The following TULP4 variants were observed in gnomAD, a reference collection of about 807,000 sequenced individuals.
The protein encoded by TULP4 is tubby-related protein 4.
A neutral mutation model predicts 129.0 loss-of-function variants in TULP4; 16 were observed. That is an observed-to-expected ratio of 0.12 (90% CI 0.08 to 0.19). The LOEUF (loss-of-function observed/expected upper bound fraction) is 0.19. Among genes scored for constraint, TULP4 ranks in the 10% least tolerant of loss-of-function variants. The pLI, the probability that TULP4 is intolerant of heterozygous loss-of-function variation, is 1.00. For missense variants in TULP4, 1,842 were observed against 2,059.1 expected (o/e 0.89, Z 2.04); for synonymous variants, 998 against 854.0 (o/e 1.17, Z -2.94).
chr6:158,366,288 T>A (rs1012390028), intron 1 of TULP4, among the ~76,000 whole-genome samples: 1 of 152,194 alleles, frequency 6.6e-6, no homozygotes, highest in African/African-American at 2.4e-5. Flanking sequence ...TTTGTCCCCC[T>A]CTGTGCCCTC....
chr6:158,258,804 T>C (rs1475339568), intron 1 of TULP4, among the ~76,000 whole-genome samples: 4 of 152,274 alleles, frequency 2.6e-5, no homozygotes, highest in Non-Finnish European at 5.9e-5. Flanking sequence ...CAAATTTCTT[T>C]TTTAGTAAAA....
At position 158,501,909 on chromosome 6, in the gene TULP4, G is replaced by A. The variant is rs775316063; in HGVS notation, c.2246G>A (p.Arg749Gln). Residue 749 changes from arginine to glutamine, a missense_variant, in exon 13 of 14, where the codon CGG (arginine) becomes CAG (glutamine). Physicochemically the swap from Arg to Gln is conservative, Grantham distance 43. Transcript: ENST00000367097. ...GCCACCCAGTACCCAGTCTCCAACC[G>A]GTACTCCAATCCTGGACAGGTGATT... ...DSATQYPVSN[R>Q]YSNPGQVIFG... The A allele has an allele frequency of 1.7e-5, 27 of 1,613,928 alleles. No homozygotes were observed. The highest frequency in any genetic ancestry group is 3.3e-5 in the Admixed American group (2 of 59,996).
chr6:158,425,892 C>T lies in TULP4; in HGVS notation c.382-3844C>T, dbSNP rs371759503. Among the ~76,000 whole-genome samples the T allele has an allele frequency of 7.9e-5, 12 of 152,236 alleles. No individual in the cohort carries two copies. In the East Asian group the frequency reaches 2.1e-3, roughly 27 times the overall value. On this transcript the variant is annotated intron_variant, in intron 2 of 13. Coordinates refer to ENST00000367097, the MANE Select transcript of TULP4 (RefSeq NM_020245.5). ...TATAGGCGTGAGCCACCTCGCCCTG[C>T]CCTGTTTTTTGACTTTTTAATCGTA... is the stretch of plus-strand genomic sequence containing the variant.
At chr6:158,373,028 A>G (rs111320822) in intron 1 of TULP4, among the ~76,000 whole-genome samples, 16 of 152,230 alleles carry the variant, frequency 1.1e-4, no homozygotes, top group African/African-American at 2.9e-4. Context: ...CCAACTTAAC[A>G]CTGCTCAGAC....
At chr6:158,241,774 T>C (rs1777920947) in intron 1 of TULP4, 1 of 453,012 alleles carries the variant, frequency 2.2e-6, no homozygotes, top group South Asian at 2.0e-5. Flanking sequence ...TTTGTATTTT[T>C]AGTAGAGACG....
At chr6:158,385,489 G>A (rs150147344) in intron 1 of TULP4, among the ~76,000 whole-genome samples, 352 of 152,184 alleles carry the variant, frequency 2.3e-3, no homozygotes, top group Admixed American at 3.9e-3. Flanking sequence ...GAATAAATGC[G>A]TCACCTTTGT....
At chr6:158,292,647 C>T (rs1429754179) in intron 1 of TULP4, among the ~76,000 whole-genome samples, 1 of 152,042 alleles carries the variant, frequency 6.6e-6, no homozygotes, top group Admixed American at 6.6e-5. Context: ...TTATAGTATT[C>T]TGTTTTATGT....
intron 1 of TULP4, among the ~76,000 whole-genome samples, chr6:158,287,721 G>T (rs1328758531): frequency 6.6e-6 from 1 of 152,218 alleles, no homozygotes; most frequent in Non-Finnish European, 1.5e-5. Context: ...TTTGGGATGA[G>T]CATTGTACTT....
At chr6:158,353,523 T>C (rs1444743173) in intron 1 of TULP4, among the ~76,000 whole-genome samples, 1 of 152,214 alleles carries the variant, frequency 6.6e-6, no homozygotes, top group African/African-American at 2.4e-5. Context: ...TACGGTACTC[T>C]TTGTAAATTG....
intron 5 of TULP4, among the ~76,000 whole-genome samples, chr6:158,453,685 A>T (rs1319040571): frequency 6.7e-6 from 1 of 150,266 alleles, no homozygotes. Flanking sequence ...GCTACTCGGG[A>T]GGCTGAGGCA....
Position 158,423,120 on chromosome 6 carries a change from A to AG in TULP4, c.382-6615dup, listed in dbSNP as rs746768899. Among the ~76,000 whole-genome samples the AG allele has an allele frequency of 5.9e-3, 348 of 59,030 alleles. 24 individuals are homozygous for AG. Among genetic ancestry groups the AG allele is most frequent in the Non-Finnish European group, 8.8e-3 (242 of 27,614 alleles). 38.7% of individuals were successfully genotyped at this position (59,030 alleles called of 152,430 possible). A position where few individuals can be genotyped will look rare whatever the true frequency, so the allele number is the denominator to read the frequency against. On this transcript the variant is annotated intron_variant, in intron 2 of 13. Coordinates refer to ENST00000367097, the MANE Select transcript of TULP4 (RefSeq NM_020245.5). ...AGCAAGACCCCTTCCTCCACAAAAA[A>AG]GAGGGGGGGGGGGGGAAAGAAACCT...
upstream of TULP4, among the ~76,000 whole-genome samples, chr6:158,279,770 A>G (rs901619269): frequency 6.6e-6 from 1 of 151,920 alleles, no homozygotes; most frequent in African/African-American, 2.4e-5. Flanking sequence ...TCTTAGTGAG[A>G]TATACAGCAG....
At chr6:158,280,645 C>G (rs1026790813), upstream of TULP4, among the ~76,000 whole-genome samples, 14 of 152,208 alleles carry the variant, frequency 9.2e-5, no homozygotes, top group African/African-American at 3.1e-4. Context: ...CCTAGCTTTC[C>G]TTATGGAGTG....
At chr6:158,392,270 G>GCCCCCATGATTC (rs1777601090) in intron 1 of TULP4, among the ~76,000 whole-genome samples, 1 of 151,786 alleles carries the variant, frequency 6.6e-6, no homozygotes, top group Non-Finnish European at 1.5e-5. Context: ...TGGGAAAGAA[G>GCCCCCATGATTC]TGCCCCCATG....
chr6:158,243,273 A>G (rs958033058), intron 1 of TULP4, among the ~76,000 whole-genome samples: 5 of 152,192 alleles, frequency 3.3e-5, no homozygotes, highest in Non-Finnish European at 7.3e-5. Context: ...ATATTTTAGT[A>G]CATGTCTCCA....
chr6:158,316,632 A>G (rs1467422321), intron 1 of TULP4, among the ~76,000 whole-genome samples: 2 of 152,052 alleles, frequency 1.3e-5, no homozygotes, highest in East Asian at 3.9e-4. Context: ...ATTCTTATGT[A>G]ACAAATCACC....
chr6:158,295,627 C>T (rs1296822586), intron 1 of TULP4, among the ~76,000 whole-genome samples: 5 of 152,082 alleles, frequency 3.3e-5, no homozygotes, highest in East Asian at 1.9e-4. Flanking sequence ...TGGTGGCTTT[C>T]GCCTGTAGTC....
upstream of TULP4, among the ~76,000 whole-genome samples, chr6:158,307,612 G>T (rs1364435158): frequency 2.0e-5 from 3 of 152,194 alleles, no homozygotes; most frequent in African/African-American, 7.2e-5. Flanking sequence ...CTCCTGAGTA[G>T]CTGGGACTAC....
chr6:158,481,264 G>A lies in TULP4; in HGVS notation c.1461G>A (p.Met487Ile). 12 of 1,614,020 alleles carry A rather than the reference G, an allele frequency of 7.4e-6. No homozygotes were observed. Among genetic ancestry groups the A allele is most frequent in the Non-Finnish European group, 1.0e-5 (12 of 1,179,928 alleles). The change falls in exon 8 of 14, where the codon ATG becomes ATA. Residue 487 changes from methionine to isoleucine, a missense_variant. Coordinates refer to ENST00000367097, the MANE Select transcript of TULP4 (RefSeq NM_020245.5). Reference protein sequence around the residue: ...ISKLRPEFVIMDPRTDSKPDE... With the variant: ...ISKLRPEFVIIDPRTDSKPDE... The stretch of plus-strand genomic sequence containing the variant: ...AGCTGCGGCCAGAGTTCGTCATCAT[G>A]GACCCGCGGACAGATAGCAAACCAG...
Sources: gnomAD v4.1 joint callset for allele counts (sites outside exome capture counted in the v4.1 genomes callset) on GRCh38, gnomAD v4.1.1 for gene constraint, MANE v1.5 for transcripts, NCBI Gene and HGNC (gene_info 2026-07-23, HGNC 2026-07-21) for gene names.